APBA1: variants seen among roughly 807,000 people sequenced by gnomAD.
APBA1 encodes the protein amyloid beta precursor protein binding family A member 1.
Under a neutral mutation model 86.6 loss-of-function variants are expected in APBA1, and 55 were observed. The ratio of observed to expected loss-of-function variants is 0.64; its 90% CI spans 0.51 to 0.80. APBA1 has a LOEUF of 0.80. Ranked by LOEUF, APBA1 falls within the 30% of genes least tolerant of loss-of-function variation. The pLI, the probability that APBA1 is intolerant of heterozygous loss-of-function variation, is 0.00. For missense variants in APBA1, 1,090 were observed against 1,183.0 expected, an observed-to-expected ratio of 0.92 and a Z score of 1.15; for synonymous variants, 511 against 493.9, an observed-to-expected ratio of 1.03 and a Z score of -0.46.
At chr9:69,612,624 T>C (rs1207083923) in intron 1 of APBA1, among the ~76,000 whole-genome samples, 1 of 152,050 alleles carries the variant, frequency 6.6e-6, no homozygotes, top group African/African-American at 2.4e-5. Context: ...ACGTTTTGCT[T>C]CCTAGGTTTT....
intron 5 of APBA1, chr9:69,460,639 AC>A (rs1835175765): frequency 1.3e-5 from 2 of 150,876 alleles, no homozygotes; most frequent in African/African-American, 2.4e-5. Flanking sequence ...TTCCACCATC[AC>A]TGGAGTACCC....
intron 2 of APBA1, among the ~76,000 whole-genome samples, chr9:69,512,433 G>A (rs1185858393): frequency 1.3e-5 from 2 of 152,168 alleles, no homozygotes; most frequent in African/African-American, 4.8e-5. Context: ...AGCAACGGTG[G>A]CTGACAAATG....
intron 2 of APBA1, among the ~76,000 whole-genome samples, chr9:69,477,162 G>A (rs925110463): frequency 8.5e-5 from 13 of 152,054 alleles, no homozygotes; most frequent in African/African-American, 1.4e-4. Flanking sequence ...AGCTCCCAGC[G>A]TGAGCGACAC....
At chr9:69,489,426 G>A (rs1332281629) in intron 2 of APBA1, among the ~76,000 whole-genome samples, 1 of 152,134 alleles carries the variant, frequency 6.6e-6, no homozygotes, top group East Asian at 1.9e-4. Context: ...CTAGCCATAT[G>A]TAGAAACCTG....
chr9:69,522,023 C>T (rs1364048373), intron 1 of APBA1, among the ~76,000 whole-genome samples: 1 of 151,354 alleles, frequency 6.6e-6, no homozygotes, highest in East Asian at 1.9e-4. Flanking sequence ...TCTCTCTCTC[C>T]CTTTCCCTTT....
chr9:69,594,346 G>T (rs1166359039), intron 1 of APBA1, among the ~76,000 whole-genome samples: 6 of 152,178 alleles, frequency 3.9e-5, no homozygotes, highest in Non-Finnish European at 8.8e-5. Flanking sequence ...TCACTTGAGT[G>T]ACAAGGAACC....
intron 1 of APBA1, among the ~76,000 whole-genome samples, chr9:69,670,239 A>G (rs561991000): frequency 4.6e-5 from 7 of 152,344 alleles, no homozygotes; most frequent in African/African-American, 1.7e-4. Context: ...ATGGGAAGAA[A>G]AAAAAGCATA....
At chr9:69,546,738 A>G (rs1836704606) in intron 1 of APBA1, among the ~76,000 whole-genome samples, 1 of 152,258 alleles carries the variant, frequency 6.6e-6, no homozygotes, top group African/African-American at 2.4e-5. Context: ...ATCTTAAAGT[A>G]AGGAGCAGGA....
At chr9:69,514,014 CAG>C (rs1414205392) in intron 2 of APBA1, among the ~76,000 whole-genome samples, 1 of 152,106 alleles carries the variant, frequency 6.6e-6, no homozygotes, top group Non-Finnish European at 1.5e-5. Context: ...AGAGTAGAAG[CAG>C]AGAGAATCTT....
chr9:69,605,637 C>A (rs1262861398), intron 1 of APBA1, among the ~76,000 whole-genome samples: 1 of 152,168 alleles, frequency 6.6e-6, no homozygotes, highest in Non-Finnish European at 1.5e-5. Context: ...TTCACCTGTG[C>A]CCTTTGAGCT....
At chr9:69,579,160 A>G (rs986895528) in intron 1 of APBA1, among the ~76,000 whole-genome samples, 2 of 152,046 alleles carry the variant, frequency 1.3e-5, no homozygotes, top group African/African-American at 2.4e-5. Context: ...GGTCTCCCCA[A>G]CCTTTAACTC....
intron 1 of APBA1, among the ~76,000 whole-genome samples, chr9:69,658,304 C>CTCTCTCTCTTTCTTTCTT (rs1362898788): frequency 8.7e-5 from 7 of 80,034 alleles, no homozygotes; most frequent in East Asian, 7.8e-4. Context: ...TTCTCTCTCT[C>CTCTCTCTCTTTCTTTCTT]TCTTTCTTTC....
chr9:69,502,186 C>T (rs551158901), intron 2 of APBA1, among the ~76,000 whole-genome samples: 3 of 152,062 alleles, frequency 2.0e-5, no homozygotes, highest in Non-Finnish European at 4.4e-5. Context: ...ACAGAACACA[C>T]AGTAACTGGA....
chr9:69,556,763 G>T (rs1836867162), intron 1 of APBA1, among the ~76,000 whole-genome samples: 1 of 152,192 alleles, frequency 6.6e-6, no homozygotes, highest in African/African-American at 2.4e-5. Context: ...AGTTAAGAAA[G>T]ATTTTAGGAA....
In APBA1 at chr9:69,442,495, T is replaced by C. The variant is rs191224591; in HGVS notation, c.2182-1380A>G. Among the ~76,000 whole-genome samples, 28 of 152,196 alleles carry C rather than the reference T, an allele frequency of 1.8e-4. No homozygotes were observed. The East Asian group carries it at 5.4e-3, about 29-fold the overall frequency. On this transcript the variant is annotated intron_variant, in intron 10 of 12. Coordinates refer to ENST00000265381, the MANE Select transcript of APBA1 (RefSeq NM_001163.4). Reference sequence around the variant, plus strand: ...TGGGTGGGAGGAGAGGTGGGTAACTTTTCCTGCAGGAGAGAACAGCTACCA... The same window carrying C: ...TGGGTGGGAGGAGAGGTGGGTAACTCTTCCTGCAGGAGAGAACAGCTACCA...
chr9:69,457,273 C>A (rs1835115254), intron 6 of APBA1, 134 bp from the exon 7 acceptor site: 2 of 648,728 alleles, frequency 3.1e-6, no homozygotes, highest in African/African-American at 1.8e-5. Flanking sequence ...TAGGGTTAAA[C>A]TGCCAAAGCT....
chr9:69,573,746 G>A (rs1367564376), intron 1 of APBA1, among the ~76,000 whole-genome samples: 1 of 152,204 alleles, frequency 6.6e-6, no homozygotes, highest in East Asian at 1.9e-4. Flanking sequence ...GGTCCCTGGT[G>A]ATGCACACAT....
At position 69,458,932 on chromosome 9, in the gene APBA1, G is replaced by A. The variant is rs149637691; in HGVS notation, c.1483-744C>T. On this transcript the variant is annotated intron_variant, in intron 5 of 12. Coordinates refer to ENST00000265381, the MANE Select transcript of APBA1 (RefSeq NM_001163.4). ...AGAGATTCTCCTGCCTCAGCCTCCC[G>A]AGTAGCTGGGATTATAGGCATGCGC... 2.9e-3 allele frequency among the ~76,000 whole-genome samples: 444 copies of A among 151,740 alleles called. 2 individuals are homozygous for A. Among genetic ancestry groups the A allele is most frequent in the African/African-American group, 0.01 (415 of 41,348 alleles).
At chr9:69,632,566 A>C (rs1588403019) in intron 1 of APBA1, among the ~76,000 whole-genome samples, 1 of 152,160 alleles carries the variant, frequency 6.6e-6, no homozygotes, top group East Asian at 1.9e-4. Context: ...GACTTAATAT[A>C]GATGTAGTGT....
Sources: allele counts gnomAD v4.1 joint callset (sites outside exome capture counted in the v4.1 genomes callset), GRCh38; gene constraint gnomAD v4.1.1; transcripts MANE v1.5; gene names NCBI Gene and HGNC (gene_info 2026-07-23, HGNC 2026-07-21).